SPG7: variants seen among roughly 807,000 people sequenced by gnomAD.
SPG7 encodes the protein mitochondrial inner membrane m-AAA protease component paraplegin.
A neutral mutation model predicts 81.9 loss-of-function variants in SPG7; 103 were observed. The ratio of observed to expected loss-of-function variants is 1.26; its 90% CI spans 1.07 to 1.48. The LOEUF (loss-of-function observed/expected upper bound fraction) is 1.48, where lower values mean the gene tolerates loss of function less well. SPG7 is among the 40% of genes most tolerant of loss of function. The pLI, the probability that SPG7 is intolerant of heterozygous loss-of-function variation, is 0.00. For missense variants in SPG7, 1,241 were observed against 1,087.3 expected, an observed-to-expected ratio of 1.14 and a Z score of -1.99; for synonymous variants, 534 against 444.2, an observed-to-expected ratio of 1.20 and a Z score of -2.54.
At chr16:89,530,633 C>A in intron 6 of SPG7, 50 bp from the exon 7 acceptor site, 1 of 1,613,520 alleles carries the variant, frequency 6.2e-7, no homozygotes. Context: ...CATCGTGCTG[C>A]TGATTTCCTG....
intron 9 of SPG7, 27 bp downstream of exon 9, chr16:89,532,663 C>T (rs1168693799): frequency 6.2e-7 from 1 of 1,612,262 alleles, no homozygotes; most frequent in East Asian, 2.2e-5. Context: ...CCCGCACCCC[C>T]ATTGCACCAT....
At chr16:89,554,603 A>G (rs774652414) in intron 16 of SPG7, 40 bp downstream of exon 16, 12 of 1,431,170 alleles carry the variant, frequency 8.4e-6, no homozygotes, top group Non-Finnish European at 1.2e-5. Context: ...GGCGTCACAC[A>G]GTGTCCACAC....
chr16:89,509,685 G>A (rs962844444), intron 1 of SPG7, among the ~76,000 whole-genome samples: 1 of 152,176 alleles, frequency 6.6e-6, no homozygotes, highest in African/African-American at 2.4e-5. Context: ...CCGTGTCTGG[G>A]CAGCCACTGT....
chr16:89,530,643 G>C (rs2058328683), intron 6 of SPG7, 40 bp from the exon 7 acceptor site: 1 of 1,613,884 alleles, frequency 6.2e-7, no homozygotes, highest in Non-Finnish European at 8.5e-7. Flanking sequence ...CTGATTTCCT[G>C]ACTTCGCCCA....
At position 89,557,153 on chromosome 16, in the gene SPG7, C is replaced by T; in HGVS notation, c.*60C>T. 1.5e-6 allele frequency: 2 copies of T among 1,367,228 alleles called. No homozygotes were observed. The highest frequency in any genetic ancestry group is 2.1e-6 in the Non-Finnish European group (2 of 967,282). 84.7% of individuals were successfully genotyped at this position (1,367,228 alleles called of 1,614,324 possible). A position where few individuals can be genotyped will look rare whatever the true frequency, so the allele number is the denominator to read the frequency against. On this transcript the variant is annotated 3_prime_UTR_variant, in exon 17 of 17. Coordinates refer to ENST00000645818, the MANE Select transcript of SPG7 (RefSeq NM_003119.4). ...GGAAGTGAGGGCTCACTCAGCCACC[C>T]TGAGTTGCTTTTCAGCTGAGGTTTG...
At position 89,532,656 on chromosome 16, in the gene SPG7, G is replaced by GCA. The variant is rs766353131; in HGVS notation, c.1324+22_1324+23dup. 3 of 1,612,470 alleles carry GCA rather than the reference G, an allele frequency of 1.9e-6. No individual in the cohort carries two copies. The highest frequency in any genetic ancestry group is 2.5e-6 in the Non-Finnish European group (3 of 1,179,928). ...TGGATGGTCAGTGCTCGTGCGCCCC[G>GCA]CACCCCCATTGCACCATCAGAGGAG... On this transcript the variant is annotated intron_variant, in intron 9 of 16. Coordinates refer to ENST00000645818, the MANE Select transcript of SPG7 (RefSeq NM_003119.4).
At chr16:89,516,597 A>G (rs563595537) in intron 3 of SPG7, among the ~76,000 whole-genome samples, 169 of 152,072 alleles carry the variant, frequency 1.1e-3, no homozygotes, top group African/African-American at 4.0e-3. Flanking sequence ...GTGGTGGCTC[A>G]TGCCTGTCAT....
intron 16 of SPG7, 173 bp downstream of exon 16, chr16:89,554,736 C>T: frequency 1.6e-6 from 1 of 625,206 alleles, no homozygotes. Flanking sequence ...TACTTTTTAT[C>T]CTGAACTCGT....
At chr16:89,544,900 G>T in intron 10 of SPG7, 128 bp downstream of exon 10, 1 of 1,180,600 alleles carries the variant, frequency 8.5e-7, no homozygotes, top group Non-Finnish European at 1.2e-6. Context: ...TGCTGGCAGT[G>T]TCCAGCGTGG....
At chr16:89,556,007 T>C in intron 16 of SPG7, 1 of 398,720 alleles carries the variant, frequency 2.5e-6, no homozygotes, top group East Asian at 3.6e-5. Flanking sequence ...TGTGGACCCA[T>C]GCTCATCACG....
intron 11 of SPG7, 78 bp from the exon 12 acceptor site, chr16:89,547,925 C>A: frequency 9.1e-7 from 1 of 1,095,418 alleles, no homozygotes; most frequent in Non-Finnish European, 1.4e-6. Flanking sequence ...CTTTGTTCTC[C>A]CTTGAGGGCC....
chr16:89,548,436 G>A, intron 12 of SPG7: 1 of 342,562 alleles, frequency 2.9e-6, no homozygotes. Flanking sequence ...GCCTGGGTGT[G>A]GTGGGCTCAG....
At chr16:89,536,615 A>AG (rs1254010286) in intron 9 of SPG7, 1 of 775,260 alleles carries the variant, frequency 1.3e-6, no homozygotes, top group Non-Finnish European at 2.0e-6. Context: ...GAGGTGGGTG[A>AG]GGCGGGTGAG....
intron 16 of SPG7, chr16:89,555,562 C>T: frequency 4.0e-6 from 1 of 247,374 alleles, no homozygotes; most frequent in Non-Finnish European, 7.6e-6. Context: ...CCTTTCCGGT[C>T]TTGGGAGTCC....
In SPG7 at chr16:89,524,116, G is replaced by A; in HGVS notation, c.487G>A (p.Gly163Ser). 5 of 1,614,108 alleles carry A rather than the reference G, an allele frequency of 3.1e-6. No individual in the cohort carries two copies. The highest frequency in any genetic ancestry group is 4.2e-6 in the Non-Finnish European group (5 of 1,180,038). The change falls in exon 4 of 17, where the codon GGC (glycine) becomes AGC (serine). Residue 163 changes from glycine (G) to serine (S), a missense_variant. Physicochemically the swap from Gly to Ser is moderately conservative, Grantham distance 56. Coordinates refer to ENST00000645818, the MANE Select transcript of SPG7 (RefSeq NM_003119.4). ...CCTGAATGCTCTCAGCACCAGCGGAGGCAGCATTTCCTGGAACGACTTTGT... is the reference window on the plus strand; with the variant it reads ...CCTGAATGCTCTCAGCACCAGCGGAAGCAGCATTTCCTGGAACGACTTTGT... ...SLLNALSTSG[G>S]SISWNDFVHE...
chr16:89,523,826 C>T, intron 3 of SPG7, 180 bp from the exon 4 acceptor site: 1 of 838,224 alleles, frequency 1.2e-6, no homozygotes, highest in Non-Finnish European at 2.0e-6. Context: ...TGACCTCGAA[C>T]AGCACAGCGT....
chr16:89,530,487 A>G (rs1238865046), intron 6 of SPG7, 196 bp from the exon 7 acceptor site: 11 of 670,562 alleles, frequency 1.6e-5, no homozygotes, highest in Non-Finnish European at 2.7e-5. Context: ...GTTTCTTACT[A>G]ATTAATGACG....
At chr16:89,552,613 A>G (rs931710403) in intron 13 of SPG7, 30 of 341,594 alleles carry the variant, frequency 8.8e-5, no homozygotes, top group African/African-American at 4.7e-4. Flanking sequence ...TGGGGTTCTC[A>G]TTGCTCTGAA....
chr16:89,512,190 C>T (rs956027604), intron 2 of SPG7, among the ~76,000 whole-genome samples: 2 of 152,060 alleles, frequency 1.3e-5, no homozygotes, highest in African/African-American at 2.4e-5. Context: ...GGATTACAGG[C>T]GTGCGCCACT....
Sources: allele counts gnomAD v4.1 joint callset (sites outside exome capture counted in the v4.1 genomes callset), GRCh38; gene constraint gnomAD v4.1.1; transcripts MANE v1.5; gene names NCBI Gene and HGNC (gene_info 2026-07-23, HGNC 2026-07-21).